The following NAALADL2 variants were observed in gnomAD, a reference collection of about 807,000 sequenced individuals.
NAALADL2 encodes the protein inactive N-acetylated-alpha-linked acidic dipeptidase-like protein 2.
NAALADL2 carries 76 observed loss-of-function variants against 87.2 expected under a neutral mutation model. The observed-to-expected ratio is 0.87, with a 90% confidence interval of 0.72 to 1.05. The LOEUF is 1.05. NAALADL2 is among the 50% of genes least tolerant of loss of function. The pLI is 0.00. For synonymous variants in NAALADL2, 354 were observed against 331.0 expected (o/e 1.07, Z -0.75); for missense variants, 1,089 against 945.8 (o/e 1.15, Z -1.99).
At chr3:175,551,100 G>GTGTT (rs1223156208) in intron 9 of NAALADL2, among the ~76,000 whole-genome samples, 1 of 152,060 alleles carries the variant, frequency 6.6e-6, no homozygotes, top group African/African-American at 2.4e-5. Flanking sequence ...GTGTGTGTGT[G>GTGTT]TGTGTTTCCT....
chr3:174,667,443 T>C (rs1029094635), intron 2 of NAALADL2, among the ~76,000 whole-genome samples: 2 of 151,920 alleles, frequency 1.3e-5, no homozygotes, highest in Admixed American at 6.6e-5. Flanking sequence ...AGGTGGAAGG[T>C]CCACATTCTA....
At chr3:174,797,305 CTTTTTTTTT>C (rs1160338109) in intron 3 of NAALADL2, among the ~76,000 whole-genome samples, 1 of 72,720 alleles carries the variant, frequency 1.4e-5, no homozygotes, top group Non-Finnish European at 2.4e-5. Context: ...TTTCTTTTTT[CTTTTTTTTT>C]TTTTTTTTTT....
At chr3:175,598,095 C>G (rs1264790067) in intron 10 of NAALADL2, among the ~76,000 whole-genome samples, 3 of 151,784 alleles carry the variant, frequency 2.0e-5, no homozygotes, top group African/African-American at 7.3e-5. Flanking sequence ...CAGATAAAAC[C>G]ATCAATCTTG....
chr3:174,838,021 G>GAAAAAAAAAAAAAAAAAAAA (rs77681462), intron 3 of NAALADL2, among the ~76,000 whole-genome samples: 10 of 71,984 alleles, frequency 1.4e-4, no homozygotes, highest in Admixed American at 3.3e-4. Context: ...AACCAAAAAA[G>GAAAAAAAAAAAAAAAAAAAA]AAAAAAAAAA....
At chr3:175,042,161 T>C (rs1754150231) in intron 1 of NAALADL2, among the ~76,000 whole-genome samples, 1 of 152,162 alleles carries the variant, frequency 6.6e-6, no homozygotes, top group Admixed American at 6.5e-5. Flanking sequence ...ATATGTGCGA[T>C]CATATGATAG....
intron 13 of NAALADL2, among the ~76,000 whole-genome samples, chr3:175,772,973 G>A (rs1303750350): frequency 6.6e-6 from 1 of 152,094 alleles, no homozygotes; most frequent in Non-Finnish European, 1.5e-5. Flanking sequence ...CAGAGAAATC[G>A]AGGAGTAAAA....
In NAALADL2 at chr3:175,717,528, C is replaced by T. The variant is rs966296780; in HGVS notation, c.1897-19778C>T. 1.5e-4 allele frequency among the ~76,000 whole-genome samples: 22 copies of T among 151,712 alleles called. 1 individual carries two copies. The East Asian group carries it at 4.3e-3, about 30-fold the overall frequency. On this transcript the variant is annotated intron_variant, in intron 11 of 13. Transcript: ENST00000454872. The stretch of plus-strand genomic sequence containing the variant: ...CCAACATGGCAAAACCCTGTCTATA[C>T]AAAAATCACAAGAATTAGCTAGACG...
In NAALADL2 at chr3:175,755,375, G is replaced by A; in HGVS notation, c.2146G>A (p.Glu716Lys). 6.2e-7 allele frequency: 1 copy of A among 1,609,580 alleles called. No individual in the cohort carries two copies. The highest frequency in any genetic ancestry group is 8.5e-7 in the Non-Finnish European group (1 of 1,177,618). ...RMLNDILQDM[E>K]KSFLVKQAPP... ...GCTGAATGACATTCTCCAAGACATG[G>A]AGAAAAGCTTTCTGGTAAAGCAGGC... Residue 716 changes from glutamate to lysine, a missense_variant, in exon 13 of 14, where the codon GAG becomes AAG. By Grantham distance (56) the Glu-to-Lys change is moderately conservative. Transcript: ENST00000454872.
At chr3:174,921,753 C>A in intron 1 of NAALADL2, among the ~76,000 whole-genome samples, 1 of 137,776 alleles carries the variant, frequency 7.3e-6, no homozygotes. Context: ...TGCAGTAAGC[C>A]GAGATTGTGC....
At chr3:175,145,808 A>G (rs1730664054) in intron 2 of NAALADL2, among the ~76,000 whole-genome samples, 1 of 152,116 alleles carries the variant, frequency 6.6e-6, no homozygotes, top group Non-Finnish European at 1.5e-5. Context: ...TAAAGTTTTT[A>G]ATAAAAGATA....
At chr3:174,770,916 T>G (rs1714470568) in intron 3 of NAALADL2, among the ~76,000 whole-genome samples, 1 of 152,224 alleles carries the variant, frequency 6.6e-6, no homozygotes, top group African/African-American at 2.4e-5. Flanking sequence ...CTTAAAATTG[T>G]TAACTCATAG....
intron 1 of NAALADL2, among the ~76,000 whole-genome samples, chr3:174,925,144 C>T (rs1735808416): frequency 6.6e-6 from 1 of 151,996 alleles, no homozygotes; most frequent in Non-Finnish European, 1.5e-5. Context: ...AAGTCCTTGC[C>T]CATGCCTATG....
At chr3:175,280,127 T>C (rs1754102333) in intron 4 of NAALADL2, among the ~76,000 whole-genome samples, 1 of 152,030 alleles carries the variant, frequency 6.6e-6, no homozygotes, top group Admixed American at 6.6e-5. Context: ...GGTAGGCATC[T>C]GATCTTCCTG....
chr3:174,901,344 A>G (rs1273723394), intron 1 of NAALADL2, among the ~76,000 whole-genome samples: 1 of 152,190 alleles, frequency 6.6e-6, no homozygotes, highest in Non-Finnish European at 1.5e-5. Flanking sequence ...TGAGAAGTAC[A>G]TGAGCCCTGT....
At chr3:175,445,173 A>C (rs964668037) in intron 5 of NAALADL2, among the ~76,000 whole-genome samples, 16 of 152,208 alleles carry the variant, frequency 1.1e-4, no homozygotes, top group African/African-American at 3.9e-4. Context: ...AGTCAGTAAA[A>C]ATATATAAAC....
intron 3 of NAALADL2, among the ~76,000 whole-genome samples, chr3:174,795,173 T>C (rs1334634237): frequency 1.3e-5 from 2 of 151,360 alleles, no homozygotes; most frequent in Non-Finnish European, 2.9e-5. Flanking sequence ...TTTTTTGTAT[T>C]TTTTGTAGAG....
intron 5 of NAALADL2, among the ~76,000 whole-genome samples, chr3:175,351,940 C>A (rs1008074993): frequency 1.4e-4 from 21 of 152,072 alleles, no homozygotes; most frequent in Non-Finnish European, 2.9e-4. Flanking sequence ...TTATCCAAAC[C>A]AGCAAGTTGT....
chr3:175,389,844 T>G (rs1025441156), intron 5 of NAALADL2, among the ~76,000 whole-genome samples: 1 of 152,148 alleles, frequency 6.6e-6, no homozygotes, highest in Non-Finnish European at 1.5e-5. Context: ...GAGAGAACAA[T>G]GTTTCTTACA....
chr3:175,530,014 G>A (rs1359947891), intron 9 of NAALADL2, among the ~76,000 whole-genome samples: 2 of 152,108 alleles, frequency 1.3e-5, no homozygotes, highest in South Asian at 4.1e-4. Context: ...CTGGCAAATT[G>A]GGCACTCAGC....
Sources: gnomAD v4.1 joint callset for allele counts (sites outside exome capture counted in the v4.1 genomes callset) on GRCh38, gnomAD v4.1.1 for gene constraint, MANE v1.5 for transcripts, NCBI Gene and HGNC (gene_info 2026-07-23, HGNC 2026-07-21) for gene names.